The following AFG2A variants were observed in gnomAD, a reference collection of about 807,000 sequenced individuals.
AFG2A encodes the protein ATPase family gene 2 protein homolog A.
chr4:123,245,869 C>T, the AFG2A span, among the ~76,000 whole-genome samples: 2 of 152,146 alleles, frequency 1.3e-5, no homozygotes, highest in Non-Finnish European at 2.9e-5. Context: ...ACTTTATAAC[C>T]CTAGTACCTA....
chr4:123,313,881 A>C, the AFG2A span: 2 of 1,543,020 alleles, frequency 1.3e-6, no homozygotes, highest in Non-Finnish European at 1.7e-6. Context: ...ATTTTTTAAA[A>C]TTTCAGATTG....
At chr4:123,258,911 G>T in the AFG2A span, among the ~76,000 whole-genome samples, 1 of 140,502 alleles carries the variant, frequency 7.1e-6, no homozygotes, top group South Asian at 2.2e-4. Context: ...TTGTATCCCA[G>T]GCTGGAGTGC....
chr4:122,947,651 G>C, the AFG2A span, among the ~76,000 whole-genome samples: 1 of 151,858 alleles, frequency 6.6e-6, no homozygotes, highest in Non-Finnish European at 1.5e-5. Flanking sequence ...GAAAAACCTA[G>C]ATGATTCAGA....
the AFG2A span, among the ~76,000 whole-genome samples, chr4:123,154,409 A>T: frequency 2.8e-4 from 42 of 152,304 alleles, no homozygotes; most frequent in African/African-American, 9.9e-4. Flanking sequence ...ATATTTGTAG[A>T]CAGGTCAACA....
chr4:123,053,327 G>C, the AFG2A span, among the ~76,000 whole-genome samples: 1 of 152,190 alleles, frequency 6.6e-6, no homozygotes, highest in Admixed American at 6.5e-5. Flanking sequence ...CAGATACTCC[G>C]GCTGCGTGGA....
At chr4:122,944,385 G>T in the AFG2A span, among the ~76,000 whole-genome samples, 784 of 152,092 alleles carry the variant, frequency 5.2e-3, 7 homozygotes, top group African/African-American at 0.017. Context: ...TTTCATTCAT[G>T]TCATCTTCCA....
the AFG2A span, among the ~76,000 whole-genome samples, chr4:123,029,666 C>CT: frequency 1.3e-5 from 2 of 152,256 alleles, no homozygotes; most frequent in East Asian, 3.9e-4. Context: ...GAGACATGGT[C>CT]TCACTCTGTG....
chr4:123,225,642 C>T, the AFG2A span, among the ~76,000 whole-genome samples: 250 of 152,236 alleles, frequency 1.6e-3, no homozygotes, highest in African/African-American at 5.8e-3. Context: ...AGTCAGGTAG[C>T]ATGATGCCTC....
the AFG2A span, among the ~76,000 whole-genome samples, chr4:122,974,982 G>A: frequency 6.6e-6 from 1 of 152,160 alleles, no homozygotes; most frequent in African/African-American, 2.4e-5. Context: ...GTCAGGGACT[G>A]TCTTTATCAC....
the AFG2A span, among the ~76,000 whole-genome samples, chr4:123,229,056 G>T: frequency 1.3e-5 from 2 of 151,848 alleles, no homozygotes; most frequent in Admixed American, 1.3e-4. Flanking sequence ...TCTGAGGATG[G>T]TTCTAAGGAT....
the AFG2A span, among the ~76,000 whole-genome samples, chr4:123,005,659 G>A: frequency 6.6e-6 from 1 of 152,098 alleles, no homozygotes; most frequent in African/African-American, 2.4e-5. Flanking sequence ...TGCTTTAGCG[G>A]CATCACACAT....
chr4:123,019,585 C>A, the AFG2A span, among the ~76,000 whole-genome samples: 1 of 152,134 alleles, frequency 6.6e-6, no homozygotes, highest in Non-Finnish European at 1.5e-5. Flanking sequence ...TTTTTATATT[C>A]TAAAAACTTG....
At chr4:122,943,138 G>A in the AFG2A span, among the ~76,000 whole-genome samples, 1 of 152,134 alleles carries the variant, frequency 6.6e-6, no homozygotes, top group Admixed American at 6.5e-5. Context: ...AGTTGTGTAG[G>A]TGTCTATTAG....
chr4:123,209,586 A>ATTTTTTT, the AFG2A span, among the ~76,000 whole-genome samples: 6 of 116,290 alleles, frequency 5.2e-5, no homozygotes, highest in African/African-American at 1.9e-4. Flanking sequence ...TGCATCAAGA[A>ATTTTTTT]TTTTTTTTTT....
chr4:123,051,851 T>G, the AFG2A span, among the ~76,000 whole-genome samples: 7 of 152,136 alleles, frequency 4.6e-5, no homozygotes, highest in Non-Finnish European at 1.0e-4. Flanking sequence ...TTTCTTTTCC[T>G]TTGCTGCTTT....
At chr4:122,927,787 A>G in the AFG2A span, 2 of 1,608,596 alleles carry the variant, frequency 1.2e-6, no homozygotes, top group South Asian at 2.2e-5. Context: ...TCCTTAGTTT[A>G]GAAATACAAA....
chr4:122,974,229 G>A, the AFG2A span, among the ~76,000 whole-genome samples: 2 of 151,104 alleles, frequency 1.3e-5, no homozygotes, highest in South Asian at 2.1e-4. Flanking sequence ...TGAAAATAAT[G>A]TATCATTTAG....
the AFG2A span, chr4:122,938,382 G>T: frequency 1.9e-6 from 2 of 1,039,272 alleles, no homozygotes; most frequent in Middle Eastern, 2.4e-4. Flanking sequence ...ATAGCAACTA[G>T]GGGAAAGATC....
chr4:122,934,830 C>T, the AFG2A span: 8 of 1,450,270 alleles, frequency 5.5e-6, no homozygotes, highest in African/African-American at 1.4e-5. Context: ...TCCTCTTTTC[C>T]TGTTTTTATT....
Sources: allele counts gnomAD v4.1 joint callset (sites outside exome capture counted in the v4.1 genomes callset), GRCh38; gene constraint gnomAD v4.1.1; transcripts MANE v1.5; gene names NCBI Gene and HGNC (gene_info 2026-07-23, HGNC 2026-07-21).